Variants in SULF2 observed in about 807,000 individuals in gnomAD.
The protein encoded by SULF2 is extracellular sulfatase Sulf-2.
Under a neutral mutation model 107.7 loss-of-function variants are expected in SULF2, and 52 were observed. The observed-to-expected ratio is 0.48, with a 90% CI of 0.39 to 0.61. The LOEUF is 0.61. Among genes scored for constraint, SULF2 ranks in the 20% least tolerant of loss-of-function variants. The probability of loss-of-function intolerance (pLI) is 0.00; values close to 1 mark genes in which losing one functional copy is unlikely to be tolerated. For synonymous variants in SULF2, 460 were observed against 464.3 expected (o/e 0.99, Z 0.12); for missense variants, 993 against 1,177.3 (o/e 0.84, Z 2.29).
At chr20:47,715,646 A>G (rs2089093622) in intron 3 of SULF2, among the ~76,000 whole-genome samples, 1 of 149,968 alleles carries the variant, frequency 6.7e-6, no homozygotes, top group African/African-American at 2.5e-5. Flanking sequence ...CAATGGCACG[A>G]TCTCGGCTCA....
At chr20:47,669,978 C>A (rs1468345379) in intron 11 of SULF2, among the ~76,000 whole-genome samples, 1 of 152,078 alleles carries the variant, frequency 6.6e-6, no homozygotes, top group African/African-American at 2.4e-5. Context: ...TGTAGTAGTT[C>A]CTAATCAGCT....
chr20:47,691,486 T>C (rs1466240259), intron 4 of SULF2, among the ~76,000 whole-genome samples: 1 of 152,196 alleles, frequency 6.6e-6, no homozygotes, highest in African/African-American at 2.4e-5. Flanking sequence ...TCTGGTTGGA[T>C]TGGCCTGCGG....
intron 3 of SULF2, among the ~76,000 whole-genome samples, chr20:47,720,861 G>A (rs1433836241): frequency 6.6e-6 from 1 of 152,212 alleles, no homozygotes; most frequent in Non-Finnish European, 1.5e-5. Context: ...CATTAACCTA[G>A]CAGGGGAGCT....
At chr20:47,741,131 G>T (rs749009077) in intron 2 of SULF2, among the ~76,000 whole-genome samples, 2 of 152,028 alleles carry the variant, frequency 1.3e-5, no homozygotes, top group African/African-American at 2.4e-5. Context: ...TATTCCCCAC[G>T]GTGTAGCCAG....
At chr20:47,732,472 A>G (rs1463869769) in intron 3 of SULF2, among the ~76,000 whole-genome samples, 2 of 152,218 alleles carry the variant, frequency 1.3e-5, no homozygotes, top group African/African-American at 4.8e-5. Context: ...TTGTGGATAT[A>G]TAAGTGATCA....
At chr20:47,775,292 C>T (rs1476579959) in intron 1 of SULF2, among the ~76,000 whole-genome samples, 1 of 152,174 alleles carries the variant, frequency 6.6e-6, no homozygotes, top group African/African-American at 2.4e-5. Flanking sequence ...TGCCATACTG[C>T]GAGGAAGCCC....
chr20:47,707,310 C>T (rs1355820614), intron 3 of SULF2, among the ~76,000 whole-genome samples: 2 of 152,032 alleles, frequency 1.3e-5, no homozygotes, highest in African/African-American at 4.8e-5. Flanking sequence ...TTTTATTCTT[C>T]TTTTTTCTCC....
At position 47,663,480 on chromosome 20, in the gene SULF2, G is replaced by C. The variant is rs764278042; in HGVS notation, c.2200C>G (p.His734Asp). 5.6e-6 allele frequency: 9 copies of C among 1,610,720 alleles called. No individual in the cohort carries two copies. In the South Asian group the frequency reaches 9.9e-5, roughly 18 times the overall value. Residue 734 changes from histidine (H) to aspartate (D), a missense_variant, in exon 16 of 21, where the codon CAC becomes GAC. This residue lies in a region of SULF2 where 497 missense variants were observed against 544.1 expected (regional missense o/e 0.91). Coordinates refer to ENST00000688720, the MANE Select transcript of SULF2 (RefSeq NM_001387048.1). Reference protein sequence around the residue: ...GLTCFTHDNQHWQTAPFWTLG... With the variant: ...GLTCFTHDNQDWQTAPFWTLG... ...GTCCAGAAAGGCGCCGTCTGCCAGT[G>C]CTGGTTGTCGTGGGTGAAGCACGTG... is the stretch of plus-strand genomic sequence containing the variant.
At chr20:47,665,564 G>A (rs2087235902) in intron 13 of SULF2, among the ~76,000 whole-genome samples, 1 of 152,228 alleles carries the variant, frequency 6.6e-6, no homozygotes, top group African/African-American at 2.4e-5. Flanking sequence ...GCCCACTGAG[G>A]CCTCCAGTGT....
chr20:47,770,013 G>A (rs887072387), intron 1 of SULF2, among the ~76,000 whole-genome samples: 1 of 151,660 alleles, frequency 6.6e-6, no homozygotes, highest in Non-Finnish European at 1.5e-5. Context: ...AGTGAAGGGG[G>A]CTGGGGGGTT....
chr20:47,786,203 A>G (rs1483419066), upstream of SULF2: 1 of 152,142 alleles, frequency 6.6e-6, no homozygotes, highest in East Asian at 1.9e-4. Flanking sequence ...TAATAAATCA[A>G]ATATCGTGAT....
intron 1 of SULF2, among the ~76,000 whole-genome samples, chr20:47,777,722 C>A (rs1306739961): frequency 1.1e-4 from 16 of 152,096 alleles, no homozygotes; most frequent in Admixed American, 1.0e-3. Flanking sequence ...GATAAGTGGC[C>A]TGCAATCAGA....
At chr20:47,784,551 G>A (rs1017223562) in intron 1 of SULF2, among the ~76,000 whole-genome samples, 1 of 151,886 alleles carries the variant, frequency 6.6e-6, no homozygotes, top group Admixed American at 6.6e-5. Flanking sequence ...ACCCCGAGAC[G>A]GCATCTCTCT....
intron 10 of SULF2, among the ~76,000 whole-genome samples, chr20:47,674,587 G>T (rs1457147156): frequency 6.6e-6 from 1 of 152,238 alleles, no homozygotes; most frequent in African/African-American, 2.4e-5. Flanking sequence ...ATGAATTCTA[G>T]CCGGGCCCTG....
intron 1 of SULF2, among the ~76,000 whole-genome samples, chr20:47,772,465 T>G (rs957984885): frequency 6.6e-6 from 1 of 152,354 alleles, no homozygotes; most frequent in East Asian, 1.9e-4. Flanking sequence ...GTGGTTACAT[T>G]CTTGCTTGCC....
intron 9 of SULF2, 152 bp downstream of exon 9, chr20:47,676,926 A>C: frequency 1.3e-6 from 1 of 799,996 alleles, no homozygotes; most frequent in Non-Finnish European, 2.1e-6. Flanking sequence ...TGTCTATAGG[A>C]GCAGTGAATG....
intron 1 of SULF2, 78 bp downstream of exon 1, chr20:47,785,265 G>A (rs959466597): frequency 6.7e-6 from 1 of 148,544 alleles, no homozygotes; most frequent in Admixed American, 6.7e-5. Context: ...TCACGCCGGG[G>A]AAGGCTCCGG....
intron 4 of SULF2, among the ~76,000 whole-genome samples, chr20:47,697,404 A>G (rs1351651726): frequency 1.3e-5 from 2 of 152,166 alleles, no homozygotes; most frequent in African/African-American, 2.4e-5. Flanking sequence ...GGGCCTCCCA[A>G]CAAGGCCCGC....
At chr20:47,726,058 TGAG>T (rs2089434755) in intron 3 of SULF2, among the ~76,000 whole-genome samples, 1 of 152,054 alleles carries the variant, frequency 6.6e-6, no homozygotes, top group Non-Finnish European at 1.5e-5. Context: ...AGTGCAGGGA[TGAG>T]GAGGAGGAGA....
Sources: allele counts gnomAD v4.1 joint callset (sites outside exome capture counted in the v4.1 genomes callset), GRCh38; gene constraint gnomAD v4.1.1; regional missense constraint gnomAD v4.1.1; transcripts MANE v1.5; gene names NCBI Gene and HGNC (gene_info 2026-07-23, HGNC 2026-07-21).